Variants in CSMD1 observed in about 807,000 individuals in gnomAD.
CSMD1 encodes the protein CUB and sushi domain-containing protein 1.
Under a neutral mutation model 417.5 loss-of-function variants are expected in CSMD1, and 213 were observed. That is an observed-to-expected ratio of 0.51 (90% CI 0.46 to 0.57). The LOEUF (loss-of-function observed/expected upper bound fraction) is 0.57, where lower values mean the gene tolerates loss of function less well. Ranked by LOEUF, CSMD1 falls within the 20% of genes least tolerant of loss-of-function variation. CSMD1 has a pLI of 0.00. For missense variants in CSMD1, 6,923 were observed against 4,529.7 expected, an observed-to-expected ratio of 1.53 and a Z score of -15.17; for synonymous variants, 2,862 against 1,736.8, an observed-to-expected ratio of 1.65 and a Z score of -16.11.
chr8:3,965,838 T>G (rs146327625), intron 5 of CSMD1, among the ~76,000 whole-genome samples: 7 of 152,212 alleles, frequency 4.6e-5, no homozygotes, highest in African/African-American at 1.7e-4. Flanking sequence ...AGGCCGGTCT[T>G]GAACTCTTGA....
intron 3 of CSMD1, among the ~76,000 whole-genome samples, chr8:4,186,525 G>C (rs893897044): frequency 3.3e-5 from 5 of 152,078 alleles, no homozygotes; most frequent in Non-Finnish European, 7.3e-5. Context: ...TTTGAAAACT[G>C]GTGACTTCAC....
intron 2 of CSMD1, among the ~76,000 whole-genome samples, chr8:4,579,728 T>C (rs1799325033): frequency 6.6e-6 from 1 of 152,148 alleles, no homozygotes; most frequent in Non-Finnish European, 1.5e-5. Context: ...TTTTACATGG[T>C]GAATTTCCAT....
intron 3 of CSMD1, among the ~76,000 whole-genome samples, chr8:4,412,592 A>C (rs1261744895): frequency 7.0e-6 from 1 of 142,612 alleles, no homozygotes; most frequent in African/African-American, 2.6e-5. Context: ...CAGCCTCACA[A>C]GTGGAATTTC....
At chr8:4,973,321 C>T (rs1053156439) in intron 1 of CSMD1, among the ~76,000 whole-genome samples, 1 of 152,022 alleles carries the variant, frequency 6.6e-6, no homozygotes, top group Non-Finnish European at 1.5e-5. Context: ...GACTTATAGG[C>T]GAAGTCAATA....
At chr8:3,981,869 T>C (rs1813897778) in intron 5 of CSMD1, among the ~76,000 whole-genome samples, 1 of 152,078 alleles carries the variant, frequency 6.6e-6, no homozygotes, top group Non-Finnish European at 1.5e-5. Context: ...TAATGCAGCT[T>C]TATCTGTGAA....
chr8:3,074,611 C>A (rs7008306), intron 49 of CSMD1, among the ~76,000 whole-genome samples: 4,631 of 152,262 alleles, frequency 0.03, 239 homozygotes, highest in African/African-American at 0.1. Context: ...AAATTGTATC[C>A]TGTGGCAATG....
chr8:3,060,071 G>A (rs762388535), intron 49 of CSMD1, among the ~76,000 whole-genome samples: 2 of 152,044 alleles, frequency 1.3e-5, no homozygotes, highest in African/African-American at 2.4e-5. Context: ...GTACTTTCCG[G>A]CTCTTTCTAT....
intron 2 of CSMD1, among the ~76,000 whole-genome samples, chr8:4,512,694 T>C (rs1454636360): frequency 6.6e-6 from 1 of 152,046 alleles, no homozygotes; most frequent in Admixed American, 6.6e-5. Context: ...TACATTAGCA[T>C]ACCCCAAAAT....
intron 7 of CSMD1, among the ~76,000 whole-genome samples, chr8:3,684,187 AATAT>A (rs1471476111): frequency 1.1e-5 from 1 of 94,888 alleles, no homozygotes; most frequent in African/African-American, 4.7e-5. Context: ...TGTTACATGT[AATAT>A]ATATAACATG....
At chr8:4,860,705 A>G (rs977755659) in intron 1 of CSMD1, among the ~76,000 whole-genome samples, 1 of 152,182 alleles carries the variant, frequency 6.6e-6, no homozygotes. Flanking sequence ...ACTCTGGAAT[A>G]AAGACAAATA....
chr8:3,914,069 C>A (rs1264457324), intron 5 of CSMD1, among the ~76,000 whole-genome samples: 2 of 152,022 alleles, frequency 1.3e-5, no homozygotes, highest in African/African-American at 2.4e-5. Context: ...GAAATGATCA[C>A]AATAAAGAGT....
intron 7 of CSMD1, among the ~76,000 whole-genome samples, chr8:3,675,245 T>C (rs150696359): frequency 3.9e-4 from 59 of 152,288 alleles, no homozygotes; most frequent in African/African-American, 1.4e-3. Context: ...TTGGTCTTCA[T>C]TGACCTGGCT....
At chr8:4,785,549 G>C (rs976463686) in intron 1 of CSMD1, among the ~76,000 whole-genome samples, 1 of 152,098 alleles carries the variant, frequency 6.6e-6, no homozygotes, top group African/African-American at 2.4e-5. Context: ...GAAATGCTGT[G>C]ATTCACATCC....
At chr8:4,145,053 A>T (rs1804026790) in intron 3 of CSMD1, among the ~76,000 whole-genome samples, 1 of 151,176 alleles carries the variant, frequency 6.6e-6, no homozygotes, top group African/African-American at 2.5e-5. Flanking sequence ...AATATTTTTA[A>T]ATGTTTCTAA....
At chr8:4,865,751 G>T (rs892824833) in intron 1 of CSMD1, among the ~76,000 whole-genome samples, 1 of 151,854 alleles carries the variant, frequency 6.6e-6, no homozygotes, top group Non-Finnish European at 1.5e-5. Flanking sequence ...AGAGAGAAAA[G>T]CTCAACCCTA....
At chr8:4,028,864 A>G (rs1797199941) in intron 4 of CSMD1, among the ~76,000 whole-genome samples, 1 of 152,212 alleles carries the variant, frequency 6.6e-6, no homozygotes, top group African/African-American at 2.4e-5. Context: ...TCAAAAGATA[A>G]ATTTTTCTTA....
At chr8:3,736,291 G>A (rs937271935) in intron 6 of CSMD1, among the ~76,000 whole-genome samples, 1 of 152,016 alleles carries the variant, frequency 6.6e-6, no homozygotes, top group Non-Finnish European at 1.5e-5. Context: ...ACCCAGGCTA[G>A]AGTGCAGTGG....
At chr8:4,856,745 G>A (rs1427109947) in intron 1 of CSMD1, among the ~76,000 whole-genome samples, 1 of 149,438 alleles carries the variant, frequency 6.7e-6, no homozygotes, top group African/African-American at 2.5e-5. Context: ...ACCCAATACA[G>A]GAGCACCAAG....
chr8:3,783,438 A>T (rs1799287814), intron 5 of CSMD1, among the ~76,000 whole-genome samples: 1 of 152,166 alleles, frequency 6.6e-6, no homozygotes, highest in Admixed American at 6.5e-5. Flanking sequence ...CCCTATGCTG[A>T]TGGCAGGTCG....
Sources: allele counts gnomAD v4.1 joint callset (sites outside exome capture counted in the v4.1 genomes callset), GRCh38; gene constraint gnomAD v4.1.1; transcripts MANE v1.5; gene names NCBI Gene and HGNC (gene_info 2026-07-23, HGNC 2026-07-21).